Variants in CCDC170 observed in about 807,000 individuals in gnomAD.
The protein encoded by CCDC170 is coiled-coil domain-containing protein 170.
Under a neutral mutation model 72.6 loss-of-function variants are expected in CCDC170, and 69 were observed. The ratio of observed to expected loss-of-function variants is 0.95; its 90% CI spans 0.78 to 1.16. The LOEUF (loss-of-function observed/expected upper bound fraction) is 1.16, where lower values mean the gene tolerates loss of function less well. CCDC170 is among the 50% of genes most tolerant of loss of function. The pLI, the probability that CCDC170 is intolerant of heterozygous loss-of-function variation, is 0.00. For missense variants in CCDC170, 852 were observed against 832.5 expected, an observed-to-expected ratio of 1.02 and a Z score of -0.29; for synonymous variants, 300 against 303.9, an observed-to-expected ratio of 0.99 and a Z score of 0.13.
In CCDC170 at chr6:151,508,308, C is replaced by T. The variant is rs369662709; in HGVS notation, c.57+14123C>T. Among the ~76,000 whole-genome samples the T allele has an allele frequency of 9.2e-5, 14 of 152,258 alleles. No homozygotes were observed. In the South Asian group the frequency reaches 1.2e-3, roughly 14 times the overall value. ...ATCCCAGCACTTTGGGAGGCCAAGG[C>T]GGATGGATCACCTGAGGTCAGGAGT... On this transcript the variant is annotated intron_variant, in intron 1 of 10. Coordinates refer to ENST00000239374, the MANE Select transcript of CCDC170 (RefSeq NM_025059.4).
chr6:151,616,659 G>A (rs1017491248), intron 10 of CCDC170, among the ~76,000 whole-genome samples: 1 of 152,118 alleles, frequency 6.6e-6, no homozygotes, highest in Non-Finnish European at 1.5e-5. Flanking sequence ...AGTCCTTTCA[G>A]GCTGCTGTAA....
At chr6:151,578,718 C>T (rs76502341) in intron 6 of CCDC170, among the ~76,000 whole-genome samples, 5 of 152,226 alleles carry the variant, frequency 3.3e-5, no homozygotes, top group East Asian at 1.9e-4. Context: ...TCACACAAGC[C>T]GACAGAAGGG....
chr6:151,534,941 G>C (rs75297300), intron 1 of CCDC170, among the ~76,000 whole-genome samples: 2,766 of 152,248 alleles, frequency 0.018, 40 homozygotes, highest in Admixed American at 0.041. Flanking sequence ...AAAAATGAAT[G>C]GCTTTCTTCT....
chr6:151,615,747 A>C (rs1776956259), intron 10 of CCDC170, 68 bp downstream of exon 10: 1 of 1,081,334 alleles, frequency 9.2e-7, no homozygotes, highest in Non-Finnish European at 1.4e-6. Context: ...CTTGATATTA[A>C]TACTTATTCA....
chr6:151,620,036 T>A lies in CCDC170; in HGVS notation c.*1889T>A, dbSNP rs1212001785. On this transcript the variant is annotated 3_prime_UTR_variant, in exon 11 of 11. Transcript: ENST00000239374. ...CTAGATTATATTAAAATATTTTTAA[T>A]TTTTTAAGCTTGACAAATGCACTGA... 6.6e-6 allele frequency: 1 copy of A among 152,072 alleles called. No individual in the cohort carries two copies. The highest frequency in any genetic ancestry group is 1.5e-5 in the Non-Finnish European group (1 of 68,008). 9.4% of individuals were successfully genotyped at this position (152,072 alleles called of 1,614,324 possible). A position where few individuals can be genotyped will look rare whatever the true frequency, so the allele number is the denominator to read the frequency against.
intron 9 of CCDC170, among the ~76,000 whole-genome samples, chr6:151,599,001 G>C (rs1038222653): frequency 1.3e-5 from 2 of 152,144 alleles, no homozygotes; most frequent in African/African-American, 4.8e-5. Context: ...AGAATAAAGG[G>C]CCTTTGGACA....
chr6:151,590,118 G>A (rs1037572837), intron 7 of CCDC170, among the ~76,000 whole-genome samples: 23 of 151,932 alleles, frequency 1.5e-4, no homozygotes, highest in African/African-American at 5.6e-4. Context: ...TCTTCCCTAA[G>A]AGACTTACCT....
intron 1 of CCDC170, among the ~76,000 whole-genome samples, chr6:151,502,333 C>T (rs972887764): frequency 7.9e-5 from 12 of 152,204 alleles, no homozygotes; most frequent in African/African-American, 2.9e-4. Context: ...TGAGTTCCCT[C>T]ATTAGTGCCA....
chr6:151,548,683 T>C (rs1231763004), intron 5 of CCDC170, among the ~76,000 whole-genome samples, 194 bp downstream of exon 5: 1 of 151,682 alleles, frequency 6.6e-6, no homozygotes, highest in Non-Finnish European at 1.5e-5. Context: ...CCATTGGCTA[T>C]ATATGTACAT....
intron 3 of CCDC170, among the ~76,000 whole-genome samples, chr6:151,539,196 G>A (rs982243596): frequency 4.6e-5 from 7 of 152,096 alleles, no homozygotes; most frequent in African/African-American, 1.7e-4. Flanking sequence ...GACAGGTGGA[G>A]GCTGCAGTGA....
intron 3 of CCDC170, 76 bp from the exon 4 acceptor site, chr6:151,544,496 T>TTATA: frequency 1.5e-6 from 2 of 1,378,974 alleles, no homozygotes; most frequent in Non-Finnish European, 1.0e-6. Context: ...CCCATAGAGC[T>TTATA]TATATTCTGA....
At chr6:151,553,700 G>A (rs1782923142) in intron 5 of CCDC170, among the ~76,000 whole-genome samples, 1 of 151,768 alleles carries the variant, frequency 6.6e-6, no homozygotes, top group South Asian at 2.1e-4. Flanking sequence ...TTCACTTTGG[G>A]ATGAAGTTCC....
chr6:151,597,955 G>A (rs1384506782), intron 9 of CCDC170, among the ~76,000 whole-genome samples: 1 of 152,212 alleles, frequency 6.6e-6, no homozygotes, highest in Non-Finnish European at 1.5e-5. Context: ...TTGAACATGT[G>A]TAGTGGGGAC....
chr6:151,612,795 T>C (rs1344742214), intron 9 of CCDC170, among the ~76,000 whole-genome samples: 3 of 152,086 alleles, frequency 2.0e-5, no homozygotes, highest in Non-Finnish European at 4.4e-5. Flanking sequence ...TACTTATTAT[T>C]TGGTGTCTTT....
intron 5 of CCDC170, among the ~76,000 whole-genome samples, chr6:151,551,644 T>C (rs981817550): frequency 3.9e-5 from 6 of 152,138 alleles, no homozygotes; most frequent in African/African-American, 1.4e-4. Context: ...GTGAAGACAC[T>C]TAGCCTCCTC....
chr6:151,501,527 A>G (rs1293420867), intron 1 of CCDC170, among the ~76,000 whole-genome samples: 2 of 152,238 alleles, frequency 1.3e-5, no homozygotes, highest in Admixed American at 6.5e-5. Context: ...GTCTCAATAA[A>G]TGATAACCAG....
chr6:151,513,598 A>AAATCCT (rs1782180086), intron 1 of CCDC170, among the ~76,000 whole-genome samples: 1 of 110,410 alleles, frequency 9.1e-6, no homozygotes, highest in Non-Finnish European at 1.7e-5. Flanking sequence ...TGATAGAGTG[A>AAATCCT]GAGAGGCTCC....
At chr6:151,558,743 A>G (rs1278560103) in intron 5 of CCDC170, among the ~76,000 whole-genome samples, 1 of 151,988 alleles carries the variant, frequency 6.6e-6, no homozygotes, top group Non-Finnish European at 1.5e-5. Flanking sequence ...ATTCTGTTCC[A>G]TTTAGTCTGT....
intron 1 of CCDC170, among the ~76,000 whole-genome samples, chr6:151,505,279 C>A (rs1032763179): frequency 2.6e-5 from 4 of 152,132 alleles, no homozygotes; most frequent in Admixed American, 1.3e-4. Flanking sequence ...AGAGGGCAGG[C>A]GGCATCTCAG....
Sources: gnomAD v4.1 joint callset for allele counts (sites outside exome capture counted in the v4.1 genomes callset) on GRCh38, gnomAD v4.1.1 for gene constraint, MANE v1.5 for transcripts, NCBI Gene and HGNC (gene_info 2026-07-23, HGNC 2026-07-21) for gene names.